Variants in GRB10 observed in about 807,000 individuals in gnomAD.
GRB10 encodes the protein growth factor receptor-bound protein 10.
Under a neutral mutation model 80.9 loss-of-function variants are expected in GRB10, and 20 were observed. The observed-to-expected ratio is 0.25, with a 90% CI of 0.17 to 0.36. The LOEUF (loss-of-function observed/expected upper bound fraction) is 0.36. Among genes scored for constraint, GRB10 ranks in the 10% least tolerant of loss-of-function variants. GRB10 has a pLI of 1.00. For missense variants in GRB10, 548 were observed against 747.7 expected, an observed-to-expected ratio of 0.73 and a Z score of 3.12; for synonymous variants, 291 against 291.5, an observed-to-expected ratio of 1.00 and a Z score of 0.02.
intron 5 of GRB10, among the ~76,000 whole-genome samples, chr7:50,677,081 C>T (rs1284800301): frequency 2.6e-5 from 4 of 152,062 alleles, no homozygotes; most frequent in African/African-American, 7.2e-5. Context: ...TCCGAAGATG[C>T]GGACTGGGTG....
At chr7:50,759,212 AAAG>A (rs2075461724) in intron 2 of GRB10, among the ~76,000 whole-genome samples, 1 of 151,382 alleles carries the variant, frequency 6.6e-6, no homozygotes, top group Non-Finnish European at 1.5e-5. Flanking sequence ...AAAAAAAAGA[AAAG>A]AAATGCCAAA....
chr7:50,741,761 A>G (rs2071798098), intron 3 of GRB10, among the ~76,000 whole-genome samples: 1 of 152,152 alleles, frequency 6.6e-6, no homozygotes, highest in Non-Finnish European at 1.5e-5. Flanking sequence ...TTATAAAGAC[A>G]AAATAAATGA....
Position 50,657,845 on chromosome 7 carries a change from T to C in GRB10, c.504+11877A>G, listed in dbSNP as rs2058802412. Among the ~76,000 whole-genome samples the C allele has an allele frequency of 1.3e-5, 2 of 152,260 alleles. 1 individual carries two copies. Among genetic ancestry groups the C allele is most frequent in the South Asian group, 4.1e-4 (2 of 4,834 alleles). On this transcript the variant is annotated intron_variant, in intron 7 of 18. Transcript: ENST00000401949. ...TTTACCAAATTCTCTTGTGAATTTT[T>C]TGGATTTTCAAAACACTTTCACTTG...
In GRB10 at chr7:50,669,818, C is replaced by A. The variant is rs956472722; in HGVS notation, c.408G>T (p.Pro136=). The A allele has an allele frequency of 1.2e-6, 2 of 1,613,678 alleles. No individual in the cohort carries two copies. The highest frequency in any genetic ancestry group is 2.7e-5 in the African/African-American group (2 of 74,918). ...EDQQFRTSSL[P]AIPNPFPELC... ...GTTCAGGAAAAGGATTGGGGATGGCCGGCAGAGATGAGGTTCTAAACTGCT... is the reference window on the plus strand; with the variant it reads ...GTTCAGGAAAAGGATTGGGGATGGCAGGCAGAGATGAGGTTCTAAACTGCT... The change falls in exon 7 of 19, where the codon CCG becomes CCT. Residue 136 remains proline, a synonymous_variant. Coordinates refer to ENST00000401949, the MANE Select transcript of GRB10 (RefSeq NM_001350814.2).
rs80059693 is a variant in GRB10 at position 50,762,465 on chromosome 7, G to A, written c.-216-6409C>T. Among the ~76,000 whole-genome samples, 1,010 of 152,120 alleles carry A rather than the reference G, an allele frequency of 6.6e-3. 6 individuals carry two copies. Among genetic ancestry groups the A allele is most frequent in the East Asian group, 0.027 (139 of 5,172 alleles). On this transcript the variant is annotated intron_variant, in intron 2 of 18. Transcript: ENST00000401949. ...GTAAGTTAAAGCAATATCATCCCAA[G>A]GAAGGCCCTGTCTTCAAGGAACTCA...
intron 17 of GRB10, chr7:50,595,942 AACC>A (rs1420283135): frequency 5.6e-6 from 1 of 178,058 alleles, no homozygotes; most frequent in African/African-American, 2.4e-5. Context: ...AATGAATCAT[AACC>A]CATGAAATCG....
At position 50,674,600 on chromosome 7, in the gene GRB10, C is replaced by G. The variant is rs201461189; in HGVS notation, c.198G>C (p.Leu66=). The stretch of plus-strand genomic sequence containing the variant: ...CTGACTGCATGCTGCAGGCCGAGTA[C>G]AGGCTCTCCAGGGATGCATTCATAT... ...VNDMNASLES[L]YSACSMQSDT... is the part of the protein sequence containing the mutation. The change falls in exon 6 of 19, where the codon CTG becomes CTC. Residue 66 remains leucine (L), a synonymous_variant. Coordinates refer to ENST00000401949, the MANE Select transcript of GRB10 (RefSeq NM_001350814.2). 6.2e-7 allele frequency: 1 copy of G among 1,613,632 alleles called. No homozygotes were observed. The highest frequency in any genetic ancestry group is 1.1e-5 in the South Asian group (1 of 91,094).
intron 7 of GRB10, among the ~76,000 whole-genome samples, chr7:50,651,827 T>C (rs2058034016): frequency 6.6e-6 from 1 of 152,238 alleles, no homozygotes; most frequent in Non-Finnish European, 1.5e-5. Flanking sequence ...TGACAGTAGC[T>C]TTATAACATC....
chr7:50,740,310 C>T (rs1269783920), intron 3 of GRB10, among the ~76,000 whole-genome samples: 1 of 152,166 alleles, frequency 6.6e-6, no homozygotes, highest in African/African-American at 2.4e-5. Context: ...GACAGCTTCA[C>T]TTTTGAGACA....
At chr7:50,764,411 C>T (rs992272635) in intron 2 of GRB10, among the ~76,000 whole-genome samples, 8 of 152,200 alleles carry the variant, frequency 5.3e-5, no homozygotes, top group African/African-American at 1.9e-4. Flanking sequence ...ACTGCTGTAT[C>T]CCATCTCTTA....
intron 5 of GRB10, among the ~76,000 whole-genome samples, chr7:50,699,381 G>A (rs578224226): frequency 6.6e-6 from 1 of 152,284 alleles, no homozygotes; most frequent in African/African-American, 2.4e-5. Context: ...AATGTTGTAG[G>A]TTTTTAACAA....
At chr7:50,600,505 A>T (rs2047417451) in intron 17 of GRB10, among the ~76,000 whole-genome samples, 1 of 152,166 alleles carries the variant, frequency 6.6e-6, no homozygotes, top group Admixed American at 6.5e-5. Context: ...AAACCAAACA[A>T]AGACCAAAAA....
intron 5 of GRB10, among the ~76,000 whole-genome samples, chr7:50,702,072 C>A (rs372738425): frequency 2.0e-5 from 3 of 152,188 alleles, no homozygotes; most frequent in Non-Finnish European, 1.5e-5. Flanking sequence ...GTGGTCAAGT[C>A]GGGACAGTCT....
At chr7:50,755,234 C>T (rs2074882797) in intron 3 of GRB10, among the ~76,000 whole-genome samples, 1 of 152,220 alleles carries the variant, frequency 6.6e-6, no homozygotes, top group African/African-American at 2.4e-5. Context: ...CTGCAGCTAC[C>T]ATCTCAGACC....
At chr7:50,788,642 C>T (rs2078792305) in intron 1 of GRB10, among the ~76,000 whole-genome samples, 1 of 152,228 alleles carries the variant, frequency 6.6e-6, no homozygotes, top group African/African-American at 2.4e-5. Flanking sequence ...TGTTAATAGG[C>T]AAGACTGCCA....
rs562162807 is a variant in GRB10, at chr7:50,644,096, G to A, written c.505-17118C>T. ...CTTGTTTCAGGGCTATCTTCACCAGGAGCATCTCTGTTTCTTTTCCATTCA... is the reference window on the plus strand; with the variant it reads ...CTTGTTTCAGGGCTATCTTCACCAGAAGCATCTCTGTTTCTTTTCCATTCA... On this transcript the variant is annotated intron_variant, in intron 7 of 18. Coordinates refer to ENST00000401949, the MANE Select transcript of GRB10 (RefSeq NM_001350814.2). Among the ~76,000 whole-genome samples the A allele has an allele frequency of 8.5e-5, 13 of 152,252 alleles. No homozygotes were observed. In the South Asian group the frequency reaches 1.2e-3, roughly 15 times the overall value.
Position 50,711,344 on chromosome 7 carries a change from C to T in GRB10, c.52-7436G>A, listed in dbSNP as rs182333236. On this transcript the variant is annotated intron_variant, in intron 4 of 18. Transcript: ENST00000401949. ...ACGCAATCCTACACGACCCACCATC[C>T]GGGTCCCAGAGCTCCCTGGGGCCTT... Among the ~76,000 whole-genome samples, 12 of 152,088 alleles carry T rather than the reference C, an allele frequency of 7.9e-5. 1 individual carries two copies. Among genetic ancestry groups the T allele is most frequent in the South Asian group, 4.2e-4 (2 of 4,806 alleles).
chr7:50,646,576 G>A (rs1430051699), intron 7 of GRB10, among the ~76,000 whole-genome samples: 1 of 152,124 alleles, frequency 6.6e-6, no homozygotes, highest in Non-Finnish European at 1.5e-5. Context: ...TGGACATAGA[G>A]GTGATATGGT....
intron 17 of GRB10, among the ~76,000 whole-genome samples, chr7:50,601,303 C>A (rs1256155552): frequency 6.6e-6 from 1 of 152,190 alleles, no homozygotes; most frequent in African/African-American, 2.4e-5. Context: ...TTTCATAGAT[C>A]TGACTTTGGA....
Sources: gnomAD v4.1 joint callset for allele counts (sites outside exome capture counted in the v4.1 genomes callset) on GRCh38, gnomAD v4.1.1 for gene constraint, MANE v1.5 for transcripts, NCBI Gene and HGNC (gene_info 2026-07-23, HGNC 2026-07-21) for gene names.